BRWD3: variants seen among roughly 807,000 people sequenced by gnomAD.
BRWD3 encodes the protein bromodomain and WD repeat-containing protein 3.
BRWD3 carries 10 observed loss-of-function variants against 149.7 expected under a neutral mutation model. The observed-to-expected ratio is 0.07, with a 90% CI of 0.04 to 0.11. The LOEUF is 0.11. Among genes scored for constraint, BRWD3 ranks in the 10% least tolerant of loss-of-function variants. BRWD3 has a pLI of 1.00. For missense variants in BRWD3, 940 were observed against 1,373.2 expected (o/e 0.68, Z 4.99); for synonymous variants, 504 against 456.7 (o/e 1.10, Z -1.32).
chrX:80,691,684 A>G (rs2072612880), intron 30 of BRWD3, 139 bp downstream of exon 30: 2 of 820,288 alleles, frequency 2.4e-6, no homozygotes. Flanking sequence ...GCTAATATTA[A>G]AACTAGAATC....
At chrX:80,700,742 A>T (rs1569251262) in intron 24 of BRWD3, among the ~76,000 whole-genome samples, 1 of 107,707 alleles carries the variant, frequency 9.3e-6, no homozygotes. Context: ...CCTGTCAAAA[A>T]ATAAATAAAT....
chrX:80,727,614 C>T (rs764992062), intron 14 of BRWD3, among the ~76,000 whole-genome samples: 1 of 111,278 alleles, frequency 9.0e-6, no homozygotes, highest in Non-Finnish European at 1.9e-5. Flanking sequence ...AATAAAATAT[C>T]AGATAGTGAT....
At chrX:80,684,298 A>C in intron 36 of BRWD3, 136 bp from the exon 37 acceptor site, 1 of 531,451 alleles carries the variant, frequency 1.9e-6, no homozygotes, top group Non-Finnish European at 3.1e-6. Flanking sequence ...CCTCCCCACA[A>C]CCCCAAAACA....
At chrX:80,712,347 C>T (rs1441443938) in intron 20 of BRWD3, among the ~76,000 whole-genome samples, 5 of 109,425 alleles carry the variant, frequency 4.6e-5, no homozygotes, top group African/African-American at 6.7e-5. Context: ...GACGGGGTTT[C>T]GCTGTGTTGG....
chrX:80,688,301 T>C (rs1041623447), intron 33 of BRWD3, among the ~76,000 whole-genome samples, 176 bp from the exon 34 acceptor site: 1 of 111,510 alleles, frequency 9.0e-6, no homozygotes, highest in Non-Finnish European at 1.9e-5. Flanking sequence ...ATATGCAGTG[T>C]ACAAGCTGGA....
chrX:80,792,963 A>G (rs1181755904), intron 5 of BRWD3, among the ~76,000 whole-genome samples: 2 of 109,034 alleles, frequency 1.8e-5, no homozygotes, highest in Non-Finnish European at 3.8e-5. Flanking sequence ...AGAGATCAAG[A>G]CCATCCTGGC....
At chrX:80,792,394 T>C (rs1055987436) in intron 5 of BRWD3, among the ~76,000 whole-genome samples, 29 of 112,460 alleles carry the variant, frequency 2.6e-4, no homozygotes, top group Middle Eastern at 9.3e-3. Context: ...TATGAAATAC[T>C]TGCCAGTTGT....
chrX:80,688,427 A>T (rs1356711296), intron 33 of BRWD3, among the ~76,000 whole-genome samples: 1 of 111,755 alleles, frequency 8.9e-6, no homozygotes, highest in Non-Finnish European at 1.9e-5. Context: ...AGTATTTTTT[A>T]AAAACCTTAT....
At position 80,719,402 on chromosome X, in the gene BRWD3, G is replaced by A. The variant is rs924469588; in HGVS notation, c.2044+87C>T. 312 of 888,723 alleles carry A rather than the reference G, an allele frequency of 3.5e-4. 1 individual carries two copies. The highest frequency in any genetic ancestry group is 4.6e-4 in the Non-Finnish European group (297 of 645,494). The allele number at this position is 888,723 out of a possible 1,213,427, so 73.2% of individuals were successfully genotyped here. On this transcript the variant is annotated intron_variant, in intron 18 of 40. Coordinates refer to ENST00000373275, the MANE Select transcript of BRWD3 (RefSeq NM_153252.5). ...AATAAAAAAGTTTTTATTTATAAAC[G>A]TAAAATATTTTCCATGTAATTATTT...
chrX:80,784,368 T>C (rs925077552), intron 6 of BRWD3, among the ~76,000 whole-genome samples: 12 of 112,249 alleles, frequency 1.1e-4, no homozygotes, highest in African/African-American at 3.9e-4. Context: ...TACTAGTTCT[T>C]CAAATAAACA....
At chrX:80,737,695 C>T (rs767564114) in intron 8 of BRWD3, among the ~76,000 whole-genome samples, 3 of 111,944 alleles carry the variant, frequency 2.7e-5, no homozygotes, top group Admixed American at 9.4e-5. Flanking sequence ...ATTAGCTGGG[C>T]ATGGTGGCAC....
intron 40 of BRWD3, among the ~76,000 whole-genome samples, 162 bp from the exon 41 acceptor site, chrX:80,677,525 GTTTA>G (rs1025721257): frequency 8.9e-6 from 1 of 111,954 alleles, no homozygotes; most frequent in Non-Finnish European, 1.9e-5. Flanking sequence ...ATATTAAAGT[GTTTA>G]TTTTTGTCTG....
chrX:80,750,889 C>CACACAT (rs2073657487), intron 6 of BRWD3, among the ~76,000 whole-genome samples: 1 of 109,275 alleles, frequency 9.2e-6, no homozygotes, highest in East Asian at 2.9e-4. Context: ...CACACACACA[C>CACACAT]ACACGCAAAA....
chrX:80,676,332 C>T lies in BRWD3; in HGVS notation c.*277G>A, dbSNP rs763962702. The T allele has an allele frequency of 2.1e-4, 73 of 349,810 alleles. 1 individual carries two copies. The highest frequency in any genetic ancestry group is 1.7e-3 in the African/African-American group (66 of 38,056). 28.8% of individuals were successfully genotyped at this position (349,810 alleles called of 1,213,427 possible). ...AATCTGTAGTGTCTGTGTTGTGTTT[C>T]GTGTGTGTGTGTCTGTGTGTGTGTA... On this transcript the variant is annotated 3_prime_UTR_variant, in exon 41 of 41. Transcript: ENST00000373275.
chrX:80,714,823 C>T (rs2073052360), intron 20 of BRWD3, among the ~76,000 whole-genome samples: 1 of 111,893 alleles, frequency 8.9e-6, no homozygotes, highest in Non-Finnish European at 1.9e-5. Context: ...TATTTGCGGA[C>T]AATATAGAAG....
At chrX:80,704,159 G>A (rs917270310) in intron 23 of BRWD3, among the ~76,000 whole-genome samples, 2 of 110,578 alleles carry the variant, frequency 1.8e-5, no homozygotes, top group South Asian at 7.7e-4. Flanking sequence ...GAGCCTAGCA[G>A]TTCGAGTCTG....
At chrX:80,738,512 C>T (rs1328056079) in intron 8 of BRWD3, among the ~76,000 whole-genome samples, 1 of 109,888 alleles carries the variant, frequency 9.1e-6, no homozygotes, top group African/African-American at 3.3e-5. Context: ...TTAATAAACA[C>T]AGCCAATACA....
At position 80,794,110 on chromosome X, in the gene BRWD3, G is replaced by A. The variant is rs1457095873; in HGVS notation, c.181-338C>T. ...GGAGAATCACTTGAACCCAGGAGGT[G>A]GAGGTTGCAGTGAGCCAAGATTGTG... On this transcript the variant is annotated intron_variant, in intron 4 of 40. Transcript: ENST00000373275. Among the ~76,000 whole-genome samples, 2 of 111,631 alleles carry A rather than the reference G, an allele frequency of 1.8e-5. 1 individual carries two copies. The highest frequency in any genetic ancestry group is 6.5e-5 in the African/African-American group (2 of 30,666).
At chrX:80,727,927 T>C (rs771926309) in intron 14 of BRWD3, among the ~76,000 whole-genome samples, 4 of 111,884 alleles carry the variant, frequency 3.6e-5, no homozygotes, top group African/African-American at 1.3e-4. Context: ...CAGGACTCTG[T>C]CTAATTTACC....
Sources: gnomAD v4.1 joint callset for allele counts (sites outside exome capture counted in the v4.1 genomes callset) on GRCh38, gnomAD v4.1.1 for gene constraint, MANE v1.5 for transcripts, NCBI Gene and HGNC (gene_info 2026-07-23, HGNC 2026-07-21) for gene names.